PRELID2: variants seen among roughly 807,000 people sequenced by gnomAD.
PRELID2 encodes the protein PRELI domain-containing protein 2.
A neutral mutation model predicts 28.4 loss-of-function variants in PRELID2; 25 were observed. That is an observed-to-expected ratio of 0.88 (90% CI 0.64 to 1.23). The LOEUF (loss-of-function observed/expected upper bound fraction) is 1.23, where lower values mean the gene tolerates loss of function less well. Ranked by LOEUF, PRELID2 falls within the 50% of genes most tolerant of loss-of-function variation. The pLI is 0.00. For synonymous variants in PRELID2, 76 were observed against 71.6 expected (o/e 1.06, Z -0.31); for missense variants, 201 against 214.4 (o/e 0.94, Z 0.39).
At chr5:145,504,445 C>A (rs753930241) in intron 1 of PRELID2, among the ~76,000 whole-genome samples, 16 of 152,268 alleles carry the variant, frequency 1.1e-4, no homozygotes, top group African/African-American at 3.6e-4. Flanking sequence ...GGCTGAGAAG[C>A]GATACACATA....
At chr5:145,629,792 T>TA (rs1430077646) in intron 1 of PRELID2, among the ~76,000 whole-genome samples, 2 of 152,158 alleles carry the variant, frequency 1.3e-5, no homozygotes, top group African/African-American at 4.8e-5. Flanking sequence ...ACCATCCTTT[T>TA]AAAATGCCTC....
the PRELID2 span, among the ~76,000 whole-genome samples, chr5:145,250,583 G>T: frequency 5.9e-5 from 9 of 152,058 alleles, no homozygotes; most frequent in Non-Finnish European, 1.0e-4. Flanking sequence ...TTGTTCTGAG[G>T]GTACCAAGAG....
rs372960396 is a variant in PRELID2 at position 145,742,438 on chromosome 5, T to C, written n.70+22493A>G. Among the ~76,000 whole-genome samples, 69 of 134,254 alleles carry C rather than the reference T, an allele frequency of 5.1e-4. No individual in the cohort carries two copies. In the South Asian group the frequency reaches 0.015, roughly 29 times the overall value. The allele number at this position is 134,254 out of a possible 152,430, so 88.1% of individuals were successfully genotyped here. ...TCAGTAGAATCAAACCAGAAATCGA[T>C]AACAGAAAGACAGTTGGGAAATCTC... is the stretch of plus-strand genomic sequence containing the variant. On this transcript the variant is annotated intron_variant and non_coding_transcript_variant, in intron 1 of 2. Coordinates refer to the PRELID2 transcript ENST00000510259.
chr5:145,315,387 T>G, the PRELID2 span, among the ~76,000 whole-genome samples: 890 of 152,286 alleles, frequency 5.8e-3, 6 homozygotes, highest in African/African-American at 0.02. Flanking sequence ...ATTCTTAAAT[T>G]TATACTTATG....
the PRELID2 span, among the ~76,000 whole-genome samples, chr5:145,252,186 T>C: frequency 6.6e-6 from 1 of 152,116 alleles, no homozygotes; most frequent in Non-Finnish European, 1.5e-5. Context: ...TCAACCTCTC[T>C]AGAGGTGATG....
intron 5 of PRELID2, among the ~76,000 whole-genome samples, chr5:145,766,911 T>C (rs1295333319): frequency 3.3e-5 from 5 of 152,120 alleles, no homozygotes; most frequent in Non-Finnish European, 5.9e-5. Flanking sequence ...AAGAGTGTAT[T>C]TGACTCAGTC....
chr5:145,430,749 C>T, the PRELID2 span, among the ~76,000 whole-genome samples: 1 of 152,180 alleles, frequency 6.6e-6, no homozygotes, highest in Non-Finnish European at 1.5e-5. Context: ...TGTGCATTCT[C>T]ACAGGGCCCC....
At chr5:145,621,980 A>G (rs1011021978) in intron 1 of PRELID2, among the ~76,000 whole-genome samples, 7 of 152,154 alleles carry the variant, frequency 4.6e-5, no homozygotes, top group Non-Finnish European at 5.9e-5. Flanking sequence ...TGTCAACTAA[A>G]AGTAAAACAA....
intron 1 of PRELID2, among the ~76,000 whole-genome samples, chr5:145,524,872 T>A (rs1752594579): frequency 6.6e-6 from 1 of 152,160 alleles, no homozygotes; most frequent in Admixed American, 6.5e-5. Flanking sequence ...AATACCTATC[T>A]CACGGGTTTA....
intron 1 of PRELID2, among the ~76,000 whole-genome samples, chr5:145,669,483 T>C (rs1754662925): frequency 1.3e-5 from 2 of 152,154 alleles, no homozygotes; most frequent in African/African-American, 4.8e-5. Context: ...CAATCAGTGC[T>C]TCTAGACATA....
At chr5:145,493,643 C>T (rs577124234) in intron 1 of PRELID2, among the ~76,000 whole-genome samples, 12 of 152,276 alleles carry the variant, frequency 7.9e-5, no homozygotes, top group African/African-American at 2.9e-4. Context: ...TCCCTCCTTG[C>T]TCAAGCTACT....
intron 1 of PRELID2, among the ~76,000 whole-genome samples, chr5:145,828,898 A>G (rs1156847813): frequency 5.0e-5 from 6 of 120,870 alleles, no homozygotes; most frequent in Non-Finnish European, 7.9e-5. Flanking sequence ...GAGTGCAGTG[A>G]TGCAATTACA....
chr5:145,373,901 CATAT>C, the PRELID2 span, among the ~76,000 whole-genome samples: 4 of 123,038 alleles, frequency 3.3e-5, no homozygotes, highest in African/African-American at 1.3e-4. Context: ...TATATTACAA[CATAT>C]ATAATATATA....
chr5:145,229,512 C>T, the PRELID2 span: 3 of 1,341,274 alleles, frequency 2.2e-6, no homozygotes, highest in African/African-American at 1.4e-5. Flanking sequence ...AAAGGAGTCC[C>T]CGTGAGGGTG....
the PRELID2 span, among the ~76,000 whole-genome samples, chr5:145,339,215 G>T: frequency 6.6e-6 from 1 of 152,210 alleles, no homozygotes; most frequent in Non-Finnish European, 1.5e-5. Flanking sequence ...TATTCACACT[G>T]CAAGTAAATT....
chr5:145,370,736 A>T, the PRELID2 span, among the ~76,000 whole-genome samples: 1 of 152,100 alleles, frequency 6.6e-6, no homozygotes, highest in Non-Finnish European at 1.5e-5. Context: ...CATAATATTG[A>T]TTCTTCCTGT....
At chr5:145,604,295 T>C (rs776386887) in intron 1 of PRELID2, among the ~76,000 whole-genome samples, 4 of 152,132 alleles carry the variant, frequency 2.6e-5, no homozygotes, top group Non-Finnish European at 5.9e-5. Context: ...TTTCTTTGTG[T>C]CCATAGGTAC....
At chr5:145,732,457 C>G (rs548640914) in intron 1 of PRELID2, among the ~76,000 whole-genome samples, 1 of 152,354 alleles carries the variant, frequency 6.6e-6, no homozygotes, top group Admixed American at 6.5e-5. Flanking sequence ...TCTATATCCG[C>G]ACTGTCCTGC....
chr5:145,707,494 CTT>C, intron 1 of PRELID2, among the ~76,000 whole-genome samples: 1 of 152,210 alleles, frequency 6.6e-6, no homozygotes, highest in South Asian at 2.1e-4. Flanking sequence ...AGGAATGAGA[CTT>C]TTTAAAAAAT....
Sources: allele counts gnomAD v4.1 joint callset (sites outside exome capture counted in the v4.1 genomes callset), GRCh38; gene constraint gnomAD v4.1.1; transcripts MANE v1.5; gene names NCBI Gene and HGNC (gene_info 2026-07-23, HGNC 2026-07-21).